GARIN1A: variants seen among roughly 807,000 people sequenced by gnomAD.
GARIN1A encodes the protein Golgi-associated RAB2 interactor protein 1A.
At chr7:128,704,711 C>T in the GARIN1A span, among the ~76,000 whole-genome samples, 2 of 152,074 alleles carry the variant, frequency 1.3e-5, no homozygotes, top group Non-Finnish European at 2.9e-5. Flanking sequence ...GACAGGAGGC[C>T]GAACTTGGGT....
chr7:128,688,789 C>T, the GARIN1A span, among the ~76,000 whole-genome samples: 1 of 49,108 alleles, frequency 2.0e-5, no homozygotes, highest in Non-Finnish European at 4.3e-5. Context: ...CCTCCCCCTC[C>T]CCCCTCCCTC....
the GARIN1A span, among the ~76,000 whole-genome samples, chr7:128,708,379 T>C: frequency 6.6e-6 from 1 of 152,114 alleles, no homozygotes; most frequent in Non-Finnish European, 1.5e-5. Context: ...TAAAAAGCTC[T>C]CTTTTCTATT....
At chr7:128,687,113 T>C in the GARIN1A span, 1 of 152,252 alleles carries the variant, frequency 6.6e-6, no homozygotes, top group Non-Finnish European at 1.5e-5. Flanking sequence ...GCTTACTTTC[T>C]CCACATATTG....
chr7:128,676,004 C>T, the GARIN1A span: 5 of 590,084 alleles, frequency 8.5e-6, no homozygotes, highest in South Asian at 6.2e-5. Context: ...TGTTTAGCAA[C>T]GATTTATTTA....
At chr7:128,672,642 C>CCCG in the GARIN1A span, 1 of 121,728 alleles carries the variant, frequency 8.2e-6, no homozygotes, top group Non-Finnish European at 1.7e-5. Flanking sequence ...TTTTAAAGCC[C>CCCG]TGGGGGAGGG....
the GARIN1A span, chr7:128,691,459 A>G: frequency 6.6e-6 from 1 of 152,346 alleles, no homozygotes; most frequent in African/African-American, 2.4e-5. Flanking sequence ...GAGCAACTCC[A>G]TCTTGAATGG....
At chr7:128,684,411 T>A in the GARIN1A span, 1 of 152,230 alleles carries the variant, frequency 6.6e-6, no homozygotes, top group Non-Finnish European at 1.5e-5. Flanking sequence ...AGGTCAGGAC[T>A]TCGAGACCAG....
chr7:128,699,267 C>A, the GARIN1A span, among the ~76,000 whole-genome samples: 2,659 of 141,448 alleles, frequency 0.019, 134 homozygotes, highest in Middle Eastern at 0.029. Context: ...GCTGCCCCCC[C>A]CCCCCCACCA....
chr7:128,675,399 A>C, the GARIN1A span, among the ~76,000 whole-genome samples: 1 of 152,040 alleles, frequency 6.6e-6, no homozygotes, highest in Non-Finnish European at 1.5e-5. Flanking sequence ...AGTGCCACTC[A>C]GCTTTTTCTT....
the GARIN1A span, among the ~76,000 whole-genome samples, chr7:128,706,486 T>A: frequency 2.7e-5 from 4 of 150,922 alleles, no homozygotes; most frequent in African/African-American, 7.3e-5. Flanking sequence ...TATATCTCCA[T>A]CTCTCTCTCT....
At chr7:128,680,177 A>T in the GARIN1A span, 1 of 1,371,656 alleles carries the variant, frequency 7.3e-7, no homozygotes, top group South Asian at 1.3e-5. Flanking sequence ...TCAGCTCCAG[A>T]TCCCTTCCTC....
chr7:128,703,691 C>G, the GARIN1A span, among the ~76,000 whole-genome samples: 1 of 151,810 alleles, frequency 6.6e-6, no homozygotes. Flanking sequence ...GCAGGAGGAT[C>G]GCTTGAGCAG....
At chr7:128,704,083 C>T in the GARIN1A span, among the ~76,000 whole-genome samples, 6 of 152,158 alleles carry the variant, frequency 3.9e-5, no homozygotes, top group South Asian at 2.1e-4. Context: ...GAAGAAAGAG[C>T]TCACTCAGTT....
the GARIN1A span, among the ~76,000 whole-genome samples, chr7:128,678,562 G>A: frequency 1.2e-3 from 187 of 152,178 alleles, 1 homozygote; most frequent in African/African-American, 4.4e-3. Context: ...CTAACACTTT[G>A]GGAGGCCGAG....
At chr7:128,695,564 G>A in the GARIN1A span, among the ~76,000 whole-genome samples, 1 of 152,158 alleles carries the variant, frequency 6.6e-6, no homozygotes, top group East Asian at 1.9e-4. This position sits in a 1 kb window ranked among gnomAD's most constrained non-coding sequence, Gnocchi z 4.5. Flanking sequence ...CTTTGAGACG[G>A]GAGTCTTGCT....
the GARIN1A span, among the ~76,000 whole-genome samples, chr7:128,697,184 G>A: frequency 6.6e-6 from 1 of 152,214 alleles, no homozygotes; most frequent in Non-Finnish European, 1.5e-5. Flanking sequence ...TTGGAGGGAA[G>A]GGTAAAGCCA....
At chr7:128,698,028 CTT>C in the GARIN1A span, among the ~76,000 whole-genome samples, 1 of 152,122 alleles carries the variant, frequency 6.6e-6, no homozygotes, top group Admixed American at 6.5e-5. Flanking sequence ...TACATATTGA[CTT>C]ATGCATTGTT....
chr7:128,673,911 G>A, the GARIN1A span, among the ~76,000 whole-genome samples: 9 of 152,048 alleles, frequency 5.9e-5, no homozygotes, highest in African/African-American at 2.2e-4. Context: ...TTCTCTTAAT[G>A]TGTGCTTTTT....
chr7:128,679,480 T>C, the GARIN1A span, among the ~76,000 whole-genome samples: 1 of 152,178 alleles, frequency 6.6e-6, no homozygotes, highest in South Asian at 2.1e-4. Context: ...TGTGAGCCAC[T>C]GCGCCCAGCC....
Sources: allele counts gnomAD v4.1 joint callset (sites outside exome capture counted in the v4.1 genomes callset), GRCh38; gene constraint gnomAD v4.1.1; non-coding constraint Gnocchi (gnomAD v3.1); transcripts MANE v1.5; gene names NCBI Gene and HGNC (gene_info 2026-07-23, HGNC 2026-07-21).